The following FKBP11 variants were observed in gnomAD, a reference collection of about 807,000 sequenced individuals.
FKBP11 encodes peptidyl-prolyl cis-trans isomerase FKBP11.
A neutral mutation model predicts 24.7 loss-of-function variants in FKBP11; 21 were observed. That is an observed-to-expected ratio of 0.85 (90% CI 0.60 to 1.23). FKBP11 has a LOEUF of 1.23. Ranked by LOEUF, FKBP11 falls within the 50% of genes most tolerant of loss-of-function variation. The pLI is 0.00. For missense variants in FKBP11, 245 were observed against 248.7 expected (o/e 0.99, Z 0.10); for synonymous variants, 106 against 100.6 (o/e 1.05, Z -0.32).
chr12:48,931,673 T>C, the FKBP11 span: 33 of 563,508 alleles, frequency 5.9e-5, no homozygotes, highest in Non-Finnish European at 8.5e-5. Flanking sequence ...GCACCCACCA[T>C]GCCCAGCTTG....
chr12:48,922,631 G>A (rs781214181), intron 5 of FKBP11: 35 of 995,080 alleles, frequency 3.5e-5, no homozygotes, highest in Non-Finnish European at 3.9e-5. Flanking sequence ...CACATTCAAC[G>A]TGATTATGAG....
upstream of FKBP11, among the ~76,000 whole-genome samples, chr12:48,928,818 CTTTTT>C (rs1196484675): frequency 1.1e-5 from 1 of 94,234 alleles, no homozygotes. Flanking sequence ...AAACTTCTAT[CTTTTT>C]TTTTTTTTTT....
intron 2 of FKBP11, 152 bp downstream of exon 2, chr12:48,924,894 G>C: frequency 1.4e-6 from 2 of 1,442,990 alleles, no homozygotes; most frequent in African/African-American, 1.4e-5. Flanking sequence ...GCACGGAAGA[G>C]CAACGTCTCT....
the FKBP11 span, among the ~76,000 whole-genome samples, chr12:48,933,845 T>C: frequency 6.6e-6 from 1 of 151,126 alleles, no homozygotes; most frequent in African/African-American, 2.4e-5. Flanking sequence ...CCGGCCTGGG[T>C]GACAGAGACT....
upstream of FKBP11, among the ~76,000 whole-genome samples, chr12:48,931,158 A>AAT (rs1940045050): frequency 7.4e-6 from 1 of 134,572 alleles, no homozygotes; most frequent in Non-Finnish European, 1.6e-5. Flanking sequence ...AAAAAAAAAA[A>AAT]GGCTAGTTGT....
intron 5 of FKBP11, chr12:48,923,102 T>G: frequency 1.0e-6 from 1 of 995,918 alleles, no homozygotes; most frequent in South Asian, 1.8e-5. Context: ...GAGTGAAGAT[T>G]GCACTATTGC....
At chr12:48,923,598 T>G in intron 5 of FKBP11, 184 bp downstream of exon 5, 1 of 1,552,580 alleles carries the variant, frequency 6.4e-7, no homozygotes, top group Non-Finnish European at 8.7e-7. Context: ...CAGGTTGTCT[T>G]TAGTCCCTGT....
At chr12:48,938,790 G>GAGGGGAGGC in the FKBP11 span, 1 of 858,098 alleles carries the variant, frequency 1.2e-6, no homozygotes, top group Non-Finnish European at 1.8e-6. Flanking sequence ...CAGGAAAAAG[G>GAGGGGAGGC]AGGGGAGGCA....
chr12:48,935,171 C>T, the FKBP11 span, among the ~76,000 whole-genome samples: 1 of 151,928 alleles, frequency 6.6e-6, no homozygotes, highest in African/African-American at 2.4e-5. Context: ...TGTTCAAAGT[C>T]ATTGGGATTG....
the FKBP11 span, chr12:48,935,577 G>A: frequency 6.6e-6 from 1 of 152,206 alleles, no homozygotes; most frequent in Admixed American, 6.5e-5. Context: ...GAGGATGGAG[G>A]CTTTATGGAA....
In FKBP11 at chr12:48,924,115, A is replaced by G. The variant is rs547068311; in HGVS notation, c.317+108T>C. The G allele has an allele frequency of 2.3e-6, 3 of 1,326,282 alleles. No individual in the cohort carries two copies. The African/African-American group carries it at 4.3e-5, about 19-fold the overall frequency. The allele number at this position is 1,326,282 out of a possible 1,614,324, so 82.2% of individuals were successfully genotyped here. ...ACTGACCTGGACCTGTCCAGTGGGAAGCAGGGTCCTTTATTCCACATTCTC... is the reference window on the plus strand; with the variant it reads ...ACTGACCTGGACCTGTCCAGTGGGAGGCAGGGTCCTTTATTCCACATTCTC... On this transcript the variant is annotated intron_variant, in intron 4 of 5. Coordinates refer to ENST00000550765, the MANE Select transcript of FKBP11 (RefSeq NM_016594.3).
chr12:48,937,974 A>G, the FKBP11 span: 1 of 158,186 alleles, frequency 6.3e-6, no homozygotes, highest in Admixed American at 6.2e-5. Flanking sequence ...CCTTCCCCCA[A>G]TGCCCTGGGT....
At chr12:48,938,839 C>A in the FKBP11 span, 1 of 1,434,048 alleles carries the variant, frequency 7.0e-7, no homozygotes. Flanking sequence ...GGACATGATA[C>A]CCAGGGCCCT....
intron 1 of FKBP11, 45 bp downstream of exon 1, chr12:48,925,255 C>A: frequency 6.2e-7 from 1 of 1,603,588 alleles, no homozygotes; most frequent in Non-Finnish European, 8.5e-7. Flanking sequence ...TACCACCCAA[C>A]AAGGCTCGGC....
Position 48,925,359 on chromosome 12 carries a change from G to C in FKBP11, c.70C>G (p.Arg24Gly). ...LLLLLSAAVC[R>G]AEAGLETESP... ...TCGGTTTCGAGCCCAGCCTCAGCCCGGCACACCGCCGCACTGAGCAGCAGC... is the reference window on the plus strand; with the variant it reads ...TCGGTTTCGAGCCCAGCCTCAGCCCCGCACACCGCCGCACTGAGCAGCAGC... Residue 24 changes from arginine (R) to glycine (G), a missense_variant, in exon 1 of 6, where the codon CGG (arginine) becomes GGG (glycine). Transcript: ENST00000550765. 2 of 1,606,802 alleles carry C rather than the reference G, an allele frequency of 1.2e-6. No individual in the cohort carries two copies. The highest frequency in any genetic ancestry group is 1.7e-6 in the Non-Finnish European group (2 of 1,177,642).
chr12:48,925,575 C>T (rs1456576053), upstream of FKBP11: 3 of 1,014,088 alleles, frequency 3.0e-6, no homozygotes, highest in Admixed American at 2.8e-5. Flanking sequence ...AGCCCTTCCT[C>T]CACCTTGTCC....
the FKBP11 span, chr12:48,937,716 G>A: frequency 1.2e-4 from 19 of 152,420 alleles, no homozygotes; most frequent in Admixed American, 7.8e-4. Context: ...TGGAGAAGAG[G>A]GGGGTTGATA....
the FKBP11 span, chr12:48,938,814 T>C: frequency 4.2e-6 from 5 of 1,194,098 alleles, no homozygotes; most frequent in Non-Finnish European, 5.8e-6. Flanking sequence ...GAGGCAAGGC[T>C]CTTGCTGGGC....
intron 5 of FKBP11, chr12:48,923,278 A>G: frequency 1.4e-6 from 2 of 1,394,110 alleles, no homozygotes; most frequent in Non-Finnish European, 1.9e-6. Context: ...ACCCTTCAAA[A>G]ATAGACATCG....
Sources: gnomAD v4.1 joint callset for allele counts (sites outside exome capture counted in the v4.1 genomes callset) on GRCh38, gnomAD v4.1.1 for gene constraint, MANE v1.5 for transcripts, NCBI Gene and HGNC (gene_info 2026-07-23, HGNC 2026-07-21) for gene names.